The following SNTB1 variants were observed in gnomAD, a reference collection of about 807,000 sequenced individuals.
The protein encoded by SNTB1 is syntrophin beta 1.
Under a neutral mutation model 48.9 loss-of-function variants are expected in SNTB1, and 36 were observed. That is an observed-to-expected ratio of 0.74 (90% CI 0.56 to 0.97). The LOEUF (loss-of-function observed/expected upper bound fraction) is 0.97. SNTB1 is among the 50% of genes least tolerant of loss of function. SNTB1 has a pLI of 0.00. For missense variants in SNTB1, 786 were observed against 703.4 expected (o/e 1.12, Z -1.33); for synonymous variants, 299 against 294.6 (o/e 1.01, Z -0.15).
chr8:120,768,052 T>C (rs1819557317), intron 1 of SNTB1, among the ~76,000 whole-genome samples: 1 of 152,124 alleles, frequency 6.6e-6, no homozygotes, highest in African/African-American at 2.4e-5. Flanking sequence ...ATTCAATTGG[T>C]TTGTTGATCT....
intron 2 of SNTB1, among the ~76,000 whole-genome samples, 164 bp downstream of exon 2, chr8:120,693,528 C>G (rs1487346606): frequency 6.6e-6 from 1 of 152,186 alleles, no homozygotes; most frequent in African/African-American, 2.4e-5. Context: ...CTCTCTCTCT[C>G]TTTCACACAC....
rs1586988981 is a variant in SNTB1 at position 120,548,914 on chromosome 8, A to G, written c.1181T>C (p.Val394Ala). 1 of 1,609,172 alleles carries G rather than the reference A, an allele frequency of 6.2e-7. No individual in the cohort carries two copies. Residue 394 changes from valine (V) to alanine (A), a missense_variant, in exon 5 of 7, where the codon GTG becomes GCG. Coordinates refer to ENST00000517992, the MANE Select transcript of SNTB1 (RefSeq NM_021021.4). Reference sequence around the variant, plus strand: ...AGTTCGCGTTGCAAAGGACAGATCCACACCAGCCTGGGGTGATCCCTTTCC... The same window carrying G: ...AGTTCGCGTTGCAAAGGACAGATCCGCACCAGCCTGGGGTGATCCCTTTCC... ...GPGKGSPQAG[V>A]DLSFATRTGT...
chr8:120,655,834 A>C (rs1213304220), intron 2 of SNTB1, among the ~76,000 whole-genome samples: 1 of 152,212 alleles, frequency 6.6e-6, no homozygotes, highest in East Asian at 1.9e-4. Context: ...AGGAGGCAAC[A>C]TCAGGAAGTA....
intron 4 of SNTB1, chr8:120,571,440 TG>T: frequency 2.8e-6 from 2 of 719,690 alleles, no homozygotes; most frequent in Non-Finnish European, 4.2e-6. Context: ...CCTGAGTCTT[TG>T]TGTGCAGTTA....
chr8:120,632,665 G>A lies in SNTB1; in HGVS notation c.789-14C>T, dbSNP rs1817004895. On this transcript the variant is annotated splice_polypyrimidine_tract_variant and intron_variant, in intron 2 of 6. Transcript: ENST00000517992. ...ATTTCAAGCTGCCTAGAGGAGCACA[G>A]AGAGAAGGGTTAGAAAGTTTCCTGG... The A allele has an allele frequency of 6.2e-7, 1 of 1,612,950 alleles. No individual in the cohort carries two copies. The highest frequency in any genetic ancestry group is 8.5e-7 in the Non-Finnish European group (1 of 1,179,104).
At chr8:120,642,673 G>A (rs1216876392) in intron 2 of SNTB1, among the ~76,000 whole-genome samples, 1 of 152,180 alleles carries the variant, frequency 6.6e-6, no homozygotes, top group Non-Finnish European at 1.5e-5. Context: ...AGCACTTTGG[G>A]AGGCTGAAGT....
chr8:120,700,156 CGTGTGTGT>C (rs58077307), intron 1 of SNTB1, among the ~76,000 whole-genome samples: 420 of 149,276 alleles, frequency 2.8e-3, no homozygotes, highest in Middle Eastern at 6.9e-3. Flanking sequence ...AAAAAAATTG[CGTGTGTGT>C]GTGTGTGTGT....
intron 2 of SNTB1, among the ~76,000 whole-genome samples, chr8:120,646,238 G>GGCAAAATGCCAAAACTGGCAAAAA (rs1201235060): frequency 4.7e-5 from 6 of 128,374 alleles, no homozygotes; most frequent in African/African-American, 1.7e-4. Context: ...TCCCTGTCTT[G>GGCAAAATGCCAAAACTGGCAAAAA]TGCCAGTTTT....
intron 3 of SNTB1, among the ~76,000 whole-genome samples, chr8:120,604,779 A>G (rs530589334): frequency 6.6e-6 from 1 of 152,282 alleles, no homozygotes; most frequent in South Asian, 2.1e-4. Flanking sequence ...TCATACAGAC[A>G]ACTATTCCAA....
chr8:120,581,395 G>C (rs1816047014), intron 3 of SNTB1, among the ~76,000 whole-genome samples: 1 of 152,088 alleles, frequency 6.6e-6, no homozygotes, highest in African/African-American at 2.4e-5. Flanking sequence ...CCTGTGGCCA[G>C]GAGTTTGAGA....
rs376379522 is a variant in SNTB1, at chr8:120,560,363, A to G, written c.1137-11405T>C. On this transcript the variant is annotated intron_variant, in intron 4 of 6. Transcript: ENST00000517992. ...TCAGGCTTGGTGGCGGGCACCTGTG[A>G]TCTCAGCTACTCGGGAGGCTGAGGT... Among the ~76,000 whole-genome samples, 7 of 152,218 alleles carry G rather than the reference A, an allele frequency of 4.6e-5. No individual in the cohort carries two copies. In the East Asian group the frequency reaches 7.7e-4, roughly 17 times the overall value.
At chr8:120,616,667 A>G (rs1235809618) in intron 3 of SNTB1, among the ~76,000 whole-genome samples, 1 of 152,054 alleles carries the variant, frequency 6.6e-6, no homozygotes, top group African/African-American at 2.4e-5. Context: ...AACAAATATA[A>G]TATTATGTTT....
In SNTB1 at chr8:120,693,908, A is replaced by C; in HGVS notation, c.572T>G (p.Val191Gly). 6.2e-7 allele frequency: 1 copy of C among 1,612,226 alleles called. No individual in the cohort carries two copies. The highest frequency in any genetic ancestry group is 8.5e-7 in the Non-Finnish European group (1 of 1,178,500). The change falls in exon 2 of 7, where the codon GTG (valine) becomes GGG (glycine). Residue 191 changes from valine (V) to glycine (G), a missense_variant and splice_region_variant. By Grantham distance (109) the Val-to-Gly change is moderately radical (BLOSUM62 -3). Transcript: ENST00000517992. ...GGGCGTGGCTTCTCGCATGTACTTC[A>C]CTGCAAGGAAAAAGACAACAAGTGC... ...KRAGKEVLLE[V>G]KYMREATPYV...
chr8:120,808,846 A>G (rs1820381839), intron 1 of SNTB1, among the ~76,000 whole-genome samples: 1 of 152,176 alleles, frequency 6.6e-6, no homozygotes. Flanking sequence ...TTGGAGTACT[A>G]AACTAATCTC....
intron 1 of SNTB1, among the ~76,000 whole-genome samples, chr8:120,797,546 C>CTTTTTTTTTTTT (rs60374035): frequency 5.8e-5 from 4 of 69,112 alleles, no homozygotes; most frequent in African/African-American, 1.1e-4. Flanking sequence ...ACTTGTTTCT[C>CTTTTTTTTTTTT]TTTTTTTTTT....
At chr8:120,708,953 T>C (rs1818419273) in intron 1 of SNTB1, among the ~76,000 whole-genome samples, 1 of 152,166 alleles carries the variant, frequency 6.6e-6, no homozygotes, top group Non-Finnish European at 1.5e-5. Context: ...CTCTATATAA[T>C]GTTGCACTGG....
Position 120,710,445 on chromosome 8 carries a change from G to T in SNTB1, c.572-16537C>A, listed in dbSNP as rs142526428. 6.4e-3 allele frequency among the ~76,000 whole-genome samples: 970 copies of T among 152,314 alleles called. 10 individuals are homozygous for T. The highest frequency in any genetic ancestry group is 0.01 in the Non-Finnish European group (698 of 68,028). On this transcript the variant is annotated intron_variant, in intron 1 of 6. Transcript: ENST00000517992. Reference sequence around the variant, plus strand: ...TAAGCCTCACAGGGCCTGTTAACATGTAACGCACAAATTTGCTATTAAATT... The same window carrying T: ...TAAGCCTCACAGGGCCTGTTAACATTTAACGCACAAATTTGCTATTAAATT...
At chr8:120,608,074 C>T (rs1317994423) in intron 3 of SNTB1, among the ~76,000 whole-genome samples, 2 of 152,270 alleles carry the variant, frequency 1.3e-5, no homozygotes, top group African/African-American at 4.8e-5. Context: ...CATTGAACAG[C>T]GTCTTTGAAA....
intron 5 of SNTB1, among the ~76,000 whole-genome samples, chr8:120,545,649 G>A (rs1276160637): frequency 2.0e-5 from 3 of 152,166 alleles, no homozygotes; most frequent in African/African-American, 7.2e-5. Context: ...AAGCAGAGCC[G>A]TACAACAGGG....
Sources: gnomAD v4.1 joint callset for allele counts (sites outside exome capture counted in the v4.1 genomes callset) on GRCh38, gnomAD v4.1.1 for gene constraint, MANE v1.5 for transcripts, NCBI Gene and HGNC (gene_info 2026-07-23, HGNC 2026-07-21) for gene names.